The following CHN2 variants were observed in gnomAD, a reference collection of about 807,000 sequenced individuals.
CHN2 encodes the protein beta-chimaerin.
A neutral mutation model predicts 56.3 loss-of-function variants in CHN2; 35 were observed. The ratio of observed to expected loss-of-function variants is 0.62; its 90% CI spans 0.47 to 0.82. The LOEUF (loss-of-function observed/expected upper bound fraction) is 0.82. CHN2 is among the 40% of genes least tolerant of loss of function. CHN2 has a pLI of 0.00. For synonymous variants in CHN2, 210 were observed against 212.8 expected, an observed-to-expected ratio of 0.99 and a Z score of 0.12; for missense variants, 491 against 580.5, an observed-to-expected ratio of 0.85 and a Z score of 1.58.
At position 29,150,204 on chromosome 7, in the gene CHN2, C is replaced by G. The variant is rs565346197; in HGVS notation, c.274+3244C>G. 2.0e-5 allele frequency among the ~76,000 whole-genome samples: 3 copies of G among 152,304 alleles called. No homozygotes were observed. The South Asian group carries it at 6.2e-4, about 32-fold the overall frequency. ...AGCATGGGTCAGACTCAGTTTGAAT[C>G]TAGAACCTTGCACCTAATGACCATA... is the stretch of plus-strand genomic sequence containing the variant. On this transcript the variant is annotated intron_variant, in intron 2 of 6. Coordinates refer to the CHN2 transcript ENST00000439384.
chr7:29,362,868 G>A (rs1798852046), intron 2 of CHN2, among the ~76,000 whole-genome samples: 3 of 152,100 alleles, frequency 2.0e-5, no homozygotes, highest in South Asian at 2.1e-4. Context: ...GCATCTCCTC[G>A]AAGGCACAGA....
At chr7:29,323,157 C>G (rs532259004) in intron 1 of CHN2, among the ~76,000 whole-genome samples, 4 of 150,768 alleles carry the variant, frequency 2.7e-5, no homozygotes, top group Middle Eastern at 6.8e-3. Context: ...CCGTCCCCCC[C>G]GTTCCCCCCC....
chr7:29,408,061 A>T (rs1208316967), intron 6 of CHN2, among the ~76,000 whole-genome samples: 4 of 152,026 alleles, frequency 2.6e-5, no homozygotes, highest in African/African-American at 9.7e-5. Context: ...ACTGTGGCAC[A>T]TGCCTGTAAT....
At position 29,513,863 on chromosome 7, in the gene CHN2, G is replaced by GTTATA. The variant is rs1791770027; in HGVS notation, c.*1131_*1135dup. 1 of 152,548 alleles carries GTTATA rather than the reference G, an allele frequency of 6.6e-6. No homozygotes were observed. Among genetic ancestry groups the GTTATA allele is most frequent in the Admixed American group, 6.6e-5 (1 of 15,262 alleles). The allele number at this position is 152,548 out of a possible 1,614,324, so 9.4% of individuals were successfully genotyped here. On this transcript the variant is annotated 3_prime_UTR_variant, in exon 13 of 13. Transcript: ENST00000222792. Reference sequence around the variant, plus strand: ...TTATTACTACAGTTCCAGTCACTTGGTTATATTTATCTTAGCATGAGCCTT... The same window carrying GTTATA: ...TTATTACTACAGTTCCAGTCACTTGGTTATATTATATTTATCTTAGCATGAGCCTT...
chr7:29,359,802 G>A (rs759379744), intron 2 of CHN2, among the ~76,000 whole-genome samples: 5 of 152,166 alleles, frequency 3.3e-5, no homozygotes, highest in Non-Finnish European at 5.9e-5. Flanking sequence ...TTTATGCCTC[G>A]AGCAGGCAAG....
intron 7 of CHN2, among the ~76,000 whole-genome samples, chr7:29,489,695 T>G (rs899791674): frequency 6.6e-6 from 1 of 152,202 alleles, no homozygotes; most frequent in African/African-American, 2.4e-5. Flanking sequence ...TTTTATTTTT[T>G]GGGGACTGTG....
intron 3 of CHN2, among the ~76,000 whole-genome samples, chr7:29,379,919 T>C (rs1468868313): frequency 6.6e-6 from 1 of 152,176 alleles, no homozygotes; most frequent in Non-Finnish European, 1.5e-5. Context: ...TGTTGGGAAT[T>C]ATTTTGGGAG....
chr7:29,395,193 A>C (rs963708339), intron 4 of CHN2, among the ~76,000 whole-genome samples: 3 of 152,126 alleles, frequency 2.0e-5, no homozygotes, highest in African/African-American at 4.8e-5. Flanking sequence ...TGAAATTGGA[A>C]TTTTCTGCTG....
chr7:29,165,201 T>C (rs1795748778), intron 2 of CHN2, among the ~76,000 whole-genome samples: 1 of 152,056 alleles, frequency 6.6e-6, no homozygotes, highest in African/African-American at 2.4e-5. Context: ...ATCTCATCTT[T>C]TCAATTATCT....
At chr7:29,497,426 G>T (rs540584797) in intron 8 of CHN2, among the ~76,000 whole-genome samples, 1 of 151,906 alleles carries the variant, frequency 6.6e-6, no homozygotes, top group Admixed American at 6.6e-5. Context: ...CATATTAGCT[G>T]TGAACAGCAA....
chr7:29,436,389 A>G (rs1002568722), intron 6 of CHN2, among the ~76,000 whole-genome samples: 1 of 152,190 alleles, frequency 6.6e-6, no homozygotes, highest in Non-Finnish European at 1.5e-5. Flanking sequence ...AATATTGACT[A>G]TTATGCTTGA....
At chr7:29,254,252 T>A (rs1432297022) in intron 1 of CHN2, among the ~76,000 whole-genome samples, 1 of 152,214 alleles carries the variant, frequency 6.6e-6, no homozygotes, top group Non-Finnish European at 1.5e-5. Flanking sequence ...AGGAACTGTG[T>A]CTTATATGTG....
chr7:29,434,315 C>T (rs1249931264), intron 6 of CHN2, among the ~76,000 whole-genome samples: 2 of 152,160 alleles, frequency 1.3e-5, no homozygotes, highest in African/African-American at 4.8e-5. Flanking sequence ...GTAAAGGCCC[C>T]TTGTCAGTTT....
At chr7:29,389,565 CTGGTCATTTTGAGAAG>C (rs1486548330) in intron 3 of CHN2, among the ~76,000 whole-genome samples, 3 of 152,028 alleles carry the variant, frequency 2.0e-5, no homozygotes, top group African/African-American at 4.8e-5. Context: ...CCAGTCCACA[CTGGTCATTTTGAGAAG>C]TGTACCTTTA....
intron 2 of CHN2, among the ~76,000 whole-genome samples, chr7:29,360,824 C>A (rs1195462185): frequency 6.6e-6 from 1 of 152,234 alleles, no homozygotes; most frequent in Non-Finnish European, 1.5e-5. Flanking sequence ...CAAGGCCACC[C>A]AGGCTGTGGG....
chr7:29,424,842 C>T (rs1053290244), intron 6 of CHN2, among the ~76,000 whole-genome samples: 5 of 152,288 alleles, frequency 3.3e-5, no homozygotes, highest in Admixed American at 3.3e-4. Context: ...CAGCCACCCT[C>T]CCTCACCTCC....
chr7:29,229,958 CAGAG>C (rs1489451726), intron 1 of CHN2, among the ~76,000 whole-genome samples: 1 of 151,424 alleles, frequency 6.6e-6, no homozygotes, highest in Non-Finnish European at 1.5e-5. Flanking sequence ...GCCTGGGAGA[CAGAG>C]GGAGACCCTG....
intron 6 of CHN2, among the ~76,000 whole-genome samples, chr7:29,473,665 C>T (rs1786348832): frequency 6.6e-6 from 1 of 151,936 alleles, no homozygotes; most frequent in African/African-American, 2.4e-5. Flanking sequence ...GAACCAGAAA[C>T]TCTGGGGCTC....
At chr7:29,493,717 A>G (rs1788913550) in intron 7 of CHN2, among the ~76,000 whole-genome samples, 1 of 152,162 alleles carries the variant, frequency 6.6e-6, no homozygotes, top group Admixed American at 6.5e-5. Context: ...TCTGTCTTCA[A>G]AATATACCTC....
Sources: gnomAD v4.1 joint callset for allele counts (sites outside exome capture counted in the v4.1 genomes callset) on GRCh38, gnomAD v4.1.1 for gene constraint, MANE v1.5 for transcripts, NCBI Gene and HGNC (gene_info 2026-07-23, HGNC 2026-07-21) for gene names.